Variants in ARHGAP42 observed in about 807,000 individuals in gnomAD.
ARHGAP42 encodes the protein Rho GTPase activating protein 42.
ARHGAP42 carries 63 observed loss-of-function variants against 125.0 expected under a neutral mutation model. The observed-to-expected ratio is 0.50, with a 90% CI of 0.41 to 0.62. The LOEUF (loss-of-function observed/expected upper bound fraction) is 0.62. Among genes scored for constraint, ARHGAP42 ranks in the 20% least tolerant of loss-of-function variants. The pLI, the probability that ARHGAP42 is intolerant of heterozygous loss-of-function variation, is 0.00. For missense variants in ARHGAP42, 766 were observed against 1,024.2 expected (o/e 0.75, Z 3.44); for synonymous variants, 339 against 351.0 (o/e 0.97, Z 0.38).
chr11:100,969,430 T>C (rs1356501405), intron 17 of ARHGAP42, among the ~76,000 whole-genome samples: 1 of 152,168 alleles, frequency 6.6e-6, no homozygotes, highest in Non-Finnish European at 1.5e-5. Flanking sequence ...AGCCACTATA[T>C]CTTTGAGTAT....
At chr11:100,731,623 G>A (rs1565545253) in intron 1 of ARHGAP42, among the ~76,000 whole-genome samples, 1 of 152,176 alleles carries the variant, frequency 6.6e-6, no homozygotes, top group African/African-American at 2.4e-5. Context: ...TTAATGGGAC[G>A]CTCTGGGGCC....
At chr11:100,899,331 G>A (rs1866460725) in intron 4 of ARHGAP42, among the ~76,000 whole-genome samples, 1 of 152,210 alleles carries the variant, frequency 6.6e-6, no homozygotes, top group Non-Finnish European at 1.5e-5. Flanking sequence ...GATTTGGGGT[G>A]GAGAGTTCTG....
At chr11:100,981,218 A>T (rs1858537768) in intron 22 of ARHGAP42, among the ~76,000 whole-genome samples, 1 of 152,190 alleles carries the variant, frequency 6.6e-6, no homozygotes, top group Non-Finnish European at 1.5e-5. Flanking sequence ...TTTGAACATG[A>T]CAGGTGCTCT....
chr11:100,933,844 A>G (rs1867652191), intron 7 of ARHGAP42, among the ~76,000 whole-genome samples: 1 of 152,124 alleles, frequency 6.6e-6, no homozygotes, highest in Non-Finnish European at 1.5e-5. Context: ...CTGGAGTGCA[A>G]TGGCATGATC....
intron 2 of ARHGAP42, among the ~76,000 whole-genome samples, chr11:100,787,755 T>C (rs1187707674): frequency 1.3e-5 from 2 of 152,136 alleles, no homozygotes; most frequent in Non-Finnish European, 2.9e-5. Context: ...AGACTATGGG[T>C]CATAACCCCT....
chr11:100,821,743 G>A (rs1017215906), intron 3 of ARHGAP42, among the ~76,000 whole-genome samples: 7 of 151,736 alleles, frequency 4.6e-5, no homozygotes, highest in South Asian at 2.1e-4. Flanking sequence ...CTGCTTTGTC[G>A]TATACTGTGT....
intron 2 of ARHGAP42, among the ~76,000 whole-genome samples, chr11:100,786,556 T>C (rs1863439557): frequency 6.6e-6 from 1 of 152,070 alleles, no homozygotes; most frequent in African/African-American, 2.4e-5. Flanking sequence ...TATGAGTATA[T>C]ATACCTGAAC....
chr11:100,891,439 CTTTTT>C (rs142290529), intron 4 of ARHGAP42, among the ~76,000 whole-genome samples: 3 of 104,964 alleles, frequency 2.9e-5, no homozygotes, highest in African/African-American at 7.6e-5. Flanking sequence ...AAAGCATCGA[CTTTTT>C]TTTTTTTTTT....
chr11:100,940,593 T>G (rs867587353), intron 8 of ARHGAP42, among the ~76,000 whole-genome samples: 25 of 152,294 alleles, frequency 1.6e-4, no homozygotes, highest in African/African-American at 5.1e-4. Flanking sequence ...ATGGTATTTT[T>G]GGGGGAAAAG....
intron 2 of ARHGAP42, among the ~76,000 whole-genome samples, chr11:100,780,825 G>GATATTAAACTA (rs1863294651): frequency 2.0e-5 from 3 of 152,200 alleles, no homozygotes; most frequent in African/African-American, 4.8e-5. Flanking sequence ...AACCAAAGAC[G>GATATTAAACTA]TGAAGTCACA....
At chr11:100,820,081 A>G (rs566132165) in intron 3 of ARHGAP42, among the ~76,000 whole-genome samples, 3 of 152,158 alleles carry the variant, frequency 2.0e-5, no homozygotes, top group South Asian at 2.1e-4. Flanking sequence ...AAAGCATAAT[A>G]AAGGCTTGGG....
intron 6 of ARHGAP42, among the ~76,000 whole-genome samples, chr11:100,923,700 A>G (rs1296172933): frequency 6.6e-6 from 1 of 152,100 alleles, no homozygotes. Context: ...TGTCCTGTTA[A>G]GTCTTCTGTC....
At chr11:100,862,391 A>G (rs992197838) in intron 4 of ARHGAP42, among the ~76,000 whole-genome samples, 3 of 151,990 alleles carry the variant, frequency 2.0e-5, no homozygotes, top group Non-Finnish European at 2.9e-5. Context: ...TAGCCCCCAA[A>G]AAGAGTAAGT....
chr11:100,955,780 C>T (rs1249561862), intron 12 of ARHGAP42, among the ~76,000 whole-genome samples: 1 of 146,460 alleles, frequency 6.8e-6, no homozygotes, highest in Non-Finnish European at 1.5e-5. Context: ...GACATTTGAA[C>T]ATGAAAGAGT....
chr11:100,892,219 G>T (rs1214043804), intron 4 of ARHGAP42, among the ~76,000 whole-genome samples: 2 of 152,136 alleles, frequency 1.3e-5, no homozygotes, highest in Non-Finnish European at 2.9e-5. Context: ...ACTAAAATAT[G>T]GATAATGAAT....
intron 12 of ARHGAP42, among the ~76,000 whole-genome samples, chr11:100,957,940 TGAAAG>T (rs1857847244): frequency 6.6e-6 from 1 of 152,214 alleles, no homozygotes; most frequent in East Asian, 1.9e-4. Context: ...TCCTTTTTGT[TGAAAG>T]GAAGTTCTAT....
chr11:100,781,138 C>T (rs892769866), intron 2 of ARHGAP42, among the ~76,000 whole-genome samples: 3 of 151,498 alleles, frequency 2.0e-5, no homozygotes, highest in Admixed American at 2.0e-4. Flanking sequence ...TTTAAAATAG[C>T]CTTTGAGGAT....
intron 1 of ARHGAP42, among the ~76,000 whole-genome samples, chr11:100,691,167 A>G (rs1256339244): frequency 6.6e-6 from 1 of 152,154 alleles, no homozygotes; most frequent in African/African-American, 2.4e-5. Context: ...TTACTGGTGA[A>G]TAGTTTTAGT....
chr11:100,836,483 A>G (rs557327097), intron 3 of ARHGAP42, among the ~76,000 whole-genome samples: 8 of 152,228 alleles, frequency 5.3e-5, no homozygotes, highest in African/African-American at 1.9e-4. Flanking sequence ...ACTCTGAGTT[A>G]TAGGAGAAAT....
Sources: gnomAD v4.1 joint callset for allele counts (sites outside exome capture counted in the v4.1 genomes callset) on GRCh38, gnomAD v4.1.1 for gene constraint, MANE v1.5 for transcripts, NCBI Gene and HGNC (gene_info 2026-07-23, HGNC 2026-07-21) for gene names.